Variants in AK8 observed in about 807,000 individuals in gnomAD.
AK8 encodes the protein ATP-AMP transphosphorylase 8.
In AK8, 44 loss-of-function variants were observed where a neutral mutation model predicts 54.6. The observed-to-expected ratio is 0.81, with a 90% CI of 0.63 to 1.04. The LOEUF is 1.04. AK8 is among the 50% of genes least tolerant of loss of function. The pLI is 0.00. For synonymous variants in AK8, 239 were observed against 245.6 expected (o/e 0.97, Z 0.25); for missense variants, 555 against 613.6 (o/e 0.90, Z 1.01).
intron 1 of AK8, among the ~76,000 whole-genome samples, chr9:132,877,582 C>G (rs1211147436): frequency 6.6e-6 from 1 of 152,202 alleles, no homozygotes; most frequent in East Asian, 1.9e-4. Flanking sequence ...CCCAAAGTCA[C>G]ACGGTGAGCT....
At position 132,803,064 on chromosome 9, in the gene AK8, G is replaced by A. The variant is rs117400750; in HGVS notation, c.980-10289C>T. ...GCAAACACGTCCTTCTTCACATAGC[G>A]GCAGCCAGGAGAGGTGCAGAGCGAA... On this transcript the variant is annotated intron_variant, in intron 10 of 12. Coordinates refer to ENST00000298545, the MANE Select transcript of AK8 (RefSeq NM_152572.3). The surrounding 1 kb of genome is among the most constrained non-coding windows in gnomAD (Gnocchi z 4.4). 7.4e-4 allele frequency among the ~76,000 whole-genome samples: 112 copies of A among 152,246 alleles called. 2 individuals are homozygous for A. In the East Asian group the frequency reaches 0.019, roughly 26 times the overall value.
chr9:132,837,038 G>A lies in AK8; in HGVS notation c.403-8312C>T, dbSNP rs193241651. Among the ~76,000 whole-genome samples the A allele has an allele frequency of 2.4e-4, 36 of 152,190 alleles. No homozygotes were observed. Among genetic ancestry groups the A allele is most frequent in the African/African-American group, 8.2e-4 (34 of 41,536 alleles). Reference sequence around the variant, plus strand: ...AAACTCAGCCTAAGAATGGGAGAACGGGCCAGGCGTGGTGGTTCACGCCTA... The same window carrying A: ...AAACTCAGCCTAAGAATGGGAGAACAGGCCAGGCGTGGTGGTTCACGCCTA... On this transcript the variant is annotated intron_variant, in intron 5 of 12. Coordinates refer to ENST00000298545, the MANE Select transcript of AK8 (RefSeq NM_152572.3). The surrounding 1 kb of genome is among the most constrained non-coding windows in gnomAD (Gnocchi z 4.3).
chr9:132,771,033 G>A (rs1365551876), intron 11 of AK8, among the ~76,000 whole-genome samples: 1 of 152,172 alleles, frequency 6.6e-6, no homozygotes, highest in African/African-American at 2.4e-5. Flanking sequence ...TGGACTTAGT[G>A]CCAGGGTGAC....
At chr9:132,751,397 C>G (rs201733328) in intron 11 of AK8, among the ~76,000 whole-genome samples, 1 of 128,538 alleles carries the variant, frequency 7.8e-6, no homozygotes, top group South Asian at 2.7e-4. Flanking sequence ...AAAAAAAAAA[C>G]AAAAAAAACC....
At chr9:132,848,115 C>CAAAAAAAAAAAAAAAAAAAA (rs796764891) in intron 5 of AK8, among the ~76,000 whole-genome samples, 3 of 52,538 alleles carry the variant, frequency 5.7e-5, no homozygotes, top group Admixed American at 2.8e-4. Flanking sequence ...CACCCTGTTT[C>CAAAAAAAAAAAAAAAAAAAA]AAAAAAAAAA....
At position 132,791,832 on chromosome 9, in the gene AK8, A is replaced by G. The variant is rs1190585755; in HGVS notation, c.1121+802T>C. Among the ~76,000 whole-genome samples, 1 of 152,228 alleles carries G rather than the reference A, an allele frequency of 6.6e-6. No individual in the cohort carries two copies. Among genetic ancestry groups the G allele is most frequent in the Non-Finnish European group, 1.5e-5 (1 of 68,042 alleles). Reference sequence around the variant, plus strand: ...GACCAGGACTTGATCAGGAATTGACAGCTTCCCTCATTTTTGCCACCATTT... The same window carrying G: ...GACCAGGACTTGATCAGGAATTGACGGCTTCCCTCATTTTTGCCACCATTT... On this transcript the variant is annotated intron_variant, in intron 11 of 12. Coordinates refer to ENST00000298545, the MANE Select transcript of AK8 (RefSeq NM_152572.3). This position sits in a 1 kb window ranked among gnomAD's most constrained non-coding sequence, Gnocchi z 4.0.
intron 11 of AK8, among the ~76,000 whole-genome samples, chr9:132,730,080 A>C (rs1353502219): frequency 6.6e-6 from 1 of 152,140 alleles, no homozygotes; most frequent in African/African-American, 2.4e-5. Flanking sequence ...ATTGTCTTGG[A>C]AACTAAATAT....
intron 11 of AK8, among the ~76,000 whole-genome samples, chr9:132,778,526 C>T (rs533622145): frequency 6.6e-6 from 1 of 152,284 alleles, no homozygotes; most frequent in East Asian, 1.9e-4. Context: ...CTCTACTTTG[C>T]ATTTTAATTT....
chr9:132,802,040 G>C (rs1840482837), intron 10 of AK8, among the ~76,000 whole-genome samples: 1 of 152,202 alleles, frequency 6.6e-6, no homozygotes, highest in African/African-American at 2.4e-5. Context: ...CTTGCAGCCT[G>C]CCTTTGGGCG....
In AK8 at chr9:132,791,983, C is replaced by T. The variant is rs919171687; in HGVS notation, c.1121+651G>A. The stretch of plus-strand genomic sequence containing the variant: ...GCCTCCAACTGGGGCATGGTAGAAC[C>T]GAAGCCTTTCCCACCTTCCACTAGA... On this transcript the variant is annotated intron_variant, in intron 11 of 12. Coordinates refer to ENST00000298545, the MANE Select transcript of AK8 (RefSeq NM_152572.3). The surrounding 1 kb of genome is among the most constrained non-coding windows in gnomAD (Gnocchi z 4.0). Among the ~76,000 whole-genome samples, 3 of 152,234 alleles carry T rather than the reference C, an allele frequency of 2.0e-5. No individual in the cohort carries two copies. The highest frequency in any genetic ancestry group is 2.9e-5 in the Non-Finnish European group (2 of 68,044).
intron 5 of AK8, among the ~76,000 whole-genome samples, chr9:132,853,021 C>T (rs2131378393): frequency 6.6e-6 from 1 of 151,556 alleles, no homozygotes. Flanking sequence ...AAGAATAAGC[C>T]CAAAGAAATT....
intron 10 of AK8, among the ~76,000 whole-genome samples, chr9:132,801,853 G>C (rs1840473825): frequency 6.6e-6 from 1 of 152,222 alleles, no homozygotes. Flanking sequence ...AGAAAACTAA[G>C]GCACAGGAAG....
Position 132,872,460 on chromosome 9 carries a change from C to T in AK8, c.169+2655G>A, listed in dbSNP as rs748612552. Among the ~76,000 whole-genome samples, 8 of 152,284 alleles carry T rather than the reference C, an allele frequency of 5.3e-5. 1 individual carries two copies. Among genetic ancestry groups the T allele is most frequent in the Non-Finnish European group, 4.4e-5 (3 of 68,020 alleles). ...AGAGTTCAAGTGGTTACATTATTAT[C>T]GAGCACATTTTTTTTTAGATAGAGT... On this transcript the variant is annotated intron_variant, in intron 2 of 12. Coordinates refer to ENST00000298545, the MANE Select transcript of AK8 (RefSeq NM_152572.3).
chr9:132,754,063 G>C (rs1235579278), intron 11 of AK8, among the ~76,000 whole-genome samples: 1 of 152,184 alleles, frequency 6.6e-6, no homozygotes, highest in Non-Finnish European at 1.5e-5. Flanking sequence ...ACTGCAGGGT[G>C]ACTTGGTTAA....
At chr9:132,876,073 G>T (rs1844082662) in intron 1 of AK8, among the ~76,000 whole-genome samples, 1 of 152,224 alleles carries the variant, frequency 6.6e-6, no homozygotes, top group Non-Finnish European at 1.5e-5. Flanking sequence ...GGGACAAGGA[G>T]GGAGGGGCTG....
chr9:132,755,399 G>A (rs1401699143), intron 11 of AK8, among the ~76,000 whole-genome samples: 1 of 152,148 alleles, frequency 6.6e-6, no homozygotes, highest in Non-Finnish European at 1.5e-5. Context: ...GATTGCACCG[G>A]CTCTAAGGCA....
intron 9 of AK8, 109 bp from the exon 10 acceptor site, chr9:132,814,836 G>GA: frequency 1.1e-6 from 1 of 885,774 alleles, no homozygotes; most frequent in Non-Finnish European, 1.7e-6. Flanking sequence ...AAAGGTCACT[G>GA]AAAAAAGCAT....
At chr9:132,875,864 C>G (rs185927839) in intron 1 of AK8, among the ~76,000 whole-genome samples, 5 of 152,350 alleles carry the variant, frequency 3.3e-5, no homozygotes, top group South Asian at 2.1e-4. Context: ...ACCGTCACCA[C>G]TAACTGTGTC....
intron 1 of AK8, chr9:132,877,903 T>C (rs1325075881): frequency 3.9e-6 from 3 of 770,746 alleles, no homozygotes; most frequent in Non-Finnish European, 6.6e-6. Context: ...TAAGGCCCGC[T>C]GGCGGCACAG....
Sources: allele counts gnomAD v4.1 joint callset (sites outside exome capture counted in the v4.1 genomes callset), GRCh38; gene constraint gnomAD v4.1.1; non-coding constraint Gnocchi (gnomAD v3.1); transcripts MANE v1.5; gene names NCBI Gene and HGNC (gene_info 2026-07-23, HGNC 2026-07-21).